Variants in EPB41L4A observed in about 807,000 individuals in gnomAD.
The protein encoded by EPB41L4A is erythrocyte membrane protein band 4.1 like 4A, also known as band 4.1-like protein 4A.
EPB41L4A carries 100 observed loss-of-function variants against 108.6 expected under a neutral mutation model. The observed-to-expected ratio is 0.92, with a 90% CI of 0.78 to 1.09. The LOEUF (loss-of-function observed/expected upper bound fraction) is 1.09, where lower values mean the gene tolerates loss of function less well. Among genes scored for constraint, EPB41L4A ranks in the 50% least tolerant of loss-of-function variants. The probability of loss-of-function intolerance (pLI) is 0.00; values close to 1 mark genes in which losing one functional copy is unlikely to be tolerated. For missense variants in EPB41L4A, 1,030 were observed against 842.7 expected (o/e 1.22, Z -2.75); for synonymous variants, 319 against 289.0 (o/e 1.10, Z -1.05).
At chr5:112,355,568 T>A (rs1410478823) in intron 1 of EPB41L4A, among the ~76,000 whole-genome samples, 1 of 152,142 alleles carries the variant, frequency 6.6e-6, no homozygotes, top group East Asian at 1.9e-4. Flanking sequence ...GGTTCCTCAT[T>A]AGAAGTGAGG....
chr5:112,193,064 TCGTAACA>T (rs1288244910), intron 17 of EPB41L4A, among the ~76,000 whole-genome samples: 2 of 152,202 alleles, frequency 1.3e-5, no homozygotes, highest in Admixed American at 6.5e-5. Flanking sequence ...GAGAAAGGTG[TCGTAACA>T]CATTGAGATC....
intron 3 of EPB41L4A, among the ~76,000 whole-genome samples, chr5:112,278,687 AAAAT>A (rs1258794375): frequency 1.3e-5 from 2 of 152,176 alleles, no homozygotes; most frequent in African/African-American, 4.8e-5. Context: ...AATGCACCTT[AAAAT>A]AATTAACATT....
intron 1 of EPB41L4A, among the ~76,000 whole-genome samples, chr5:112,403,019 C>A (rs111475366): frequency 0.14 from 21,141 of 151,696 alleles, 4,069 homozygotes; most frequent in African/African-American, 0.43. Flanking sequence ...CACACACACA[C>A]AAAACCCTCA....
At chr5:112,339,478 A>AGCTATATATC (rs1561584881) in intron 1 of EPB41L4A, among the ~76,000 whole-genome samples, 98 of 32,496 alleles carry the variant, frequency 3.0e-3, no homozygotes, top group Non-Finnish European at 4.5e-3. Flanking sequence ...ATATATCTAT[A>AGCTATATATC]TATATATATA....
At chr5:112,375,336 TACAC>T (rs756227057) in intron 1 of EPB41L4A, among the ~76,000 whole-genome samples, 15 of 134,266 alleles carry the variant, frequency 1.1e-4, no homozygotes, top group South Asian at 7.2e-4. Context: ...CACACACACA[TACAC>T]ACACACACAC....
chr5:112,171,614 A>T (rs1030384200), intron 18 of EPB41L4A, among the ~76,000 whole-genome samples: 2 of 152,206 alleles, frequency 1.3e-5, no homozygotes, highest in Non-Finnish European at 2.9e-5. Flanking sequence ...TCTTTTCTCC[A>T]AGAAGTATGT....
chr5:112,165,692 C>CCT (rs1391532663), intron 22 of EPB41L4A, among the ~76,000 whole-genome samples: 1 of 152,104 alleles, frequency 6.6e-6, no homozygotes, highest in Non-Finnish European at 1.5e-5. Context: ...TATGCGAACC[C>CCT]CTCCTCCTCT....
chr5:112,356,691 T>C (rs979569384), intron 1 of EPB41L4A, among the ~76,000 whole-genome samples: 3 of 152,210 alleles, frequency 2.0e-5, no homozygotes, highest in African/African-American at 7.2e-5. Context: ...GACTCTCATG[T>C]GGGTCTATTG....
At chr5:112,294,547 G>A (rs775107045) in intron 2 of EPB41L4A, among the ~76,000 whole-genome samples, 6 of 152,054 alleles carry the variant, frequency 3.9e-5, no homozygotes, top group African/African-American at 1.4e-4. Context: ...CTGGGGGGTC[G>A]GGGAAAGCTT....
At chr5:112,417,379 T>C (rs926057067) in intron 1 of EPB41L4A, among the ~76,000 whole-genome samples, 5 of 152,218 alleles carry the variant, frequency 3.3e-5, no homozygotes, top group Non-Finnish European at 7.3e-5. Context: ...ATTTAGACTT[T>C]GCACTTCAAA....
intron 17 of EPB41L4A, among the ~76,000 whole-genome samples, chr5:112,188,046 C>G (rs1466461216): frequency 1.3e-5 from 2 of 152,174 alleles, no homozygotes; most frequent in Non-Finnish European, 2.9e-5. Flanking sequence ...CCAAACCAGA[C>G]AGACACACTG....
chr5:112,204,932 T>G (rs1366475577), intron 14 of EPB41L4A, among the ~76,000 whole-genome samples: 1 of 152,084 alleles, frequency 6.6e-6, no homozygotes, highest in Non-Finnish European at 1.5e-5. Flanking sequence ...CCAAATAAAG[T>G]AGCTAGGAAG....
At chr5:112,245,488 A>C (rs1014833210) in intron 9 of EPB41L4A, among the ~76,000 whole-genome samples, 2 of 152,230 alleles carry the variant, frequency 1.3e-5, no homozygotes, top group Admixed American at 1.3e-4. Context: ...GATGTGATGG[A>C]AACAAAGCCA....
Position 112,204,440 on chromosome 5 carries a change from AG to A in EPB41L4A, c.1310del (p.Pro437LeufsTer20). 1 of 1,613,948 alleles carries A rather than the reference AG, an allele frequency of 6.2e-7. No individual in the cohort carries two copies. Among genetic ancestry groups the A allele is most frequent in the Non-Finnish European group, 8.5e-7 (1 of 1,179,894 alleles). ...AGGAGGGGTTTCGGCGACGCGTGTA[AG>A]GGAACTTTGGCGACTTAGTGCGATC... ...PSDRTKSPKFPYTRRRNPSCG... is the reference protein window; with the variant it reads ...PSDRTKSPKFXYTRRRNPSCG... On this transcript the variant is annotated frameshift_variant, in exon 15 of 23. Transcript: ENST00000261486. LOFTEE classifies it high-confidence loss of function.
chr5:112,253,046 C>A (rs1459252300), intron 9 of EPB41L4A, among the ~76,000 whole-genome samples: 2 of 152,138 alleles, frequency 1.3e-5, no homozygotes, highest in African/African-American at 4.8e-5. Context: ...AGAAGACGAT[C>A]AGGCAAGAAT....
chr5:112,235,464 G>C (rs548153301), intron 11 of EPB41L4A, among the ~76,000 whole-genome samples: 2 of 152,286 alleles, frequency 1.3e-5, no homozygotes, highest in African/African-American at 4.8e-5. Flanking sequence ...GCAACTGAAT[G>C]ACCCTGGCTT....
At chr5:112,208,232 G>A (rs1363307809) in intron 13 of EPB41L4A, among the ~76,000 whole-genome samples, 1 of 106,978 alleles carries the variant, frequency 9.3e-6, no homozygotes, top group Non-Finnish European at 1.8e-5. Flanking sequence ...GCAACAGAGG[G>A]AGACTCCATC....
chr5:112,313,193 A>G (rs1026643227), intron 1 of EPB41L4A, among the ~76,000 whole-genome samples: 3 of 152,206 alleles, frequency 2.0e-5, no homozygotes, highest in African/African-American at 7.2e-5. Context: ...GCCTATTAGA[A>G]TCCCTGAGAA....
chr5:112,148,304 T>C (rs932583687), intron 12 of EPB41L4A, among the ~76,000 whole-genome samples: 3 of 150,744 alleles, frequency 2.0e-5, no homozygotes, highest in African/African-American at 7.3e-5. Context: ...GAAATGTCTC[T>C]TTTTGACTTT....
Sources: gnomAD v4.1 joint callset for allele counts (sites outside exome capture counted in the v4.1 genomes callset) on GRCh38, gnomAD v4.1.1 for gene constraint, MANE v1.5 for transcripts, NCBI Gene and HGNC (gene_info 2026-07-23, HGNC 2026-07-21) for gene names.